The following SGK3 variants were observed in gnomAD, a reference collection of about 807,000 sequenced individuals.
SGK3 encodes the protein serum/glucocorticoid regulated kinase family member 3, also known as serine/threonine-protein kinase Sgk3.
Under a neutral mutation model 68.5 loss-of-function variants are expected in SGK3, and 47 were observed. The observed-to-expected ratio is 0.69, with a 90% CI of 0.54 to 0.87. The LOEUF (loss-of-function observed/expected upper bound fraction) is 0.87, where lower values mean the gene tolerates loss of function less well. SGK3 is among the 40% of genes least tolerant of loss of function. SGK3 has a pLI of 0.00. For missense variants in SGK3, 479 were observed against 575.5 expected (o/e 0.83, Z 1.72); for synonymous variants, 181 against 189.1 (o/e 0.96, Z 0.35).
chr8:66,789,130 A>G (rs943247237), intron 1 of SGK3, among the ~76,000 whole-genome samples: 1 of 152,310 alleles, frequency 6.6e-6, no homozygotes, highest in African/African-American at 2.4e-5. Flanking sequence ...TCAGAAAAAA[A>G]AAAAAAACAC....
At chr8:66,743,168 T>C (rs1019433954) in intron 1 of SGK3, among the ~76,000 whole-genome samples, 2 of 152,178 alleles carry the variant, frequency 1.3e-5, no homozygotes, top group African/African-American at 4.8e-5. Flanking sequence ...TAGTGACTCA[T>C]GAAGTCAATT....
At chr8:66,812,951 A>G (rs1291404698) in intron 4 of SGK3, among the ~76,000 whole-genome samples, 2 of 152,188 alleles carry the variant, frequency 1.3e-5, no homozygotes, top group Admixed American at 6.5e-5. Context: ...AACAAACAAA[A>G]CACTTCAAAA....
chr8:66,765,128 A>G (rs1806279064), intron 1 of SGK3, among the ~76,000 whole-genome samples: 1 of 152,232 alleles, frequency 6.6e-6, no homozygotes, highest in South Asian at 2.1e-4. Context: ...ACTTTTTGAG[A>G]AACCTCAAAA....
intron 10 of SGK3, among the ~76,000 whole-genome samples, chr8:66,836,972 T>A (rs1263746192): frequency 6.6e-6 from 1 of 152,144 alleles, no homozygotes; most frequent in Admixed American, 6.5e-5. Context: ...GATATTGAAA[T>A]ACACTTTGGG....
At chr8:66,717,342 C>T (rs1002255025) in intron 1 of SGK3, among the ~76,000 whole-genome samples, 2 of 151,582 alleles carry the variant, frequency 1.3e-5, no homozygotes, top group African/African-American at 2.4e-5. Flanking sequence ...CCAGCCTAGC[C>T]AACATGGAGA....
intron 1 of SGK3, among the ~76,000 whole-genome samples, chr8:66,736,373 A>G (rs1167888685): frequency 6.6e-6 from 1 of 152,198 alleles, no homozygotes; most frequent in African/African-American, 2.4e-5. Context: ...GATTTAAAGT[A>G]TACAGGAGGA....
chr8:66,788,844 G>T (rs1807317295), intron 1 of SGK3, among the ~76,000 whole-genome samples: 1 of 152,118 alleles, frequency 6.6e-6, no homozygotes, highest in South Asian at 2.1e-4. Flanking sequence ...AGGTGTCCAA[G>T]GTGCTTGCTA....
rs1345896314 is a variant in SGK3 at position 66,850,939 on chromosome 8, C to A, written c.1320+19C>A. Reference sequence around the variant, plus strand: ...TAATGTGGTAAGTATATATCCAAATCTTTCTTTCTAGAATCGTGAAACTTA... The same window carrying A: ...TAATGTGGTAAGTATATATCCAAATATTTCTTTCTAGAATCGTGAAACTTA... On this transcript the variant is annotated intron_variant, in intron 16 of 16. Coordinates refer to ENST00000521198, the MANE Select transcript of SGK3 (RefSeq NM_001033578.3). 1 of 1,586,288 alleles carries A rather than the reference C, an allele frequency of 6.3e-7. No individual in the cohort carries two copies. The highest frequency in any genetic ancestry group is 1.4e-5 in the African/African-American group (1 of 73,944).
Position 66,828,708 on chromosome 8 carries a change from G to A in SGK3, c.467+5G>A, listed in dbSNP as rs1269734886. The A allele has an allele frequency of 1.2e-6, 2 of 1,613,782 alleles. No homozygotes were observed. The highest frequency in any genetic ancestry group is 1.1e-5 in the South Asian group (1 of 91,078). On this transcript the variant is annotated splice_donor_5th_base_variant and intron_variant, in intron 7 of 16. Transcript: ENST00000521198. ...GGGACCGTCTGGAAATCCTCAGTAT[G>A]TTTAATTTGCTTCAAACAATTTTTT...
At chr8:66,762,033 CT>C (rs555306715) in intron 1 of SGK3, among the ~76,000 whole-genome samples, 4 of 151,514 alleles carry the variant, frequency 2.6e-5, no homozygotes, top group South Asian at 2.1e-4. Context: ...TTTTTAGACT[CT>C]TTTTTTTTGA....
intron 1 of SGK3, 57 bp downstream of exon 1, chr8:66,712,890 G>A (rs1238780306): frequency 6.6e-6 from 1 of 151,808 alleles, no homozygotes. Context: ...GGCGGCCCGG[G>A]GCGGGAGGAG....
At chr8:66,841,208 T>C in intron 13 of SGK3, 98 bp downstream of exon 13, 2 of 990,360 alleles carry the variant, frequency 2.0e-6, no homozygotes, top group Non-Finnish European at 2.7e-6. Flanking sequence ...AAAAGTAGAA[T>C]AAAAACTGTC....
At chr8:66,771,438 A>C (rs943326030) in intron 1 of SGK3, among the ~76,000 whole-genome samples, 1 of 152,192 alleles carries the variant, frequency 6.6e-6, no homozygotes, top group African/African-American at 2.4e-5. Flanking sequence ...TCATTTTGCA[A>C]ACTTGGTTCT....
intron 1 of SGK3, among the ~76,000 whole-genome samples, chr8:66,765,932 G>A (rs1038805546): frequency 2.0e-5 from 3 of 151,936 alleles, no homozygotes; most frequent in Admixed American, 2.0e-4. Flanking sequence ...GGCTGAGGCA[G>A]GAGAATGGCA....
chr8:66,828,223 T>A (rs2130688905), intron 6 of SGK3, among the ~76,000 whole-genome samples: 1 of 152,312 alleles, frequency 6.6e-6, no homozygotes. Flanking sequence ...AACCCAGCAT[T>A]TGCAATCATC....
intron 1 of SGK3, among the ~76,000 whole-genome samples, chr8:66,736,901 G>A (rs1805332426): frequency 6.6e-6 from 1 of 151,858 alleles, no homozygotes; most frequent in Middle Eastern, 3.2e-3. Context: ...TTACAGGCAT[G>A]AGCCACCGTG....
intron 1 of SGK3, among the ~76,000 whole-genome samples, chr8:66,746,009 C>T (rs1430796662): frequency 6.6e-6 from 1 of 152,158 alleles, no homozygotes; most frequent in East Asian, 1.9e-4. Context: ...CAAGCCATAG[C>T]AGATTTATTA....
chr8:66,816,568 T>A (rs995389839), intron 5 of SGK3, among the ~76,000 whole-genome samples: 1 of 151,974 alleles, frequency 6.6e-6, no homozygotes, highest in African/African-American at 2.4e-5. Flanking sequence ...TTGGTCTCAA[T>A]CTCCTGACTT....
chr8:66,736,072 A>G (rs945345203), intron 1 of SGK3, among the ~76,000 whole-genome samples: 1 of 152,172 alleles, frequency 6.6e-6, no homozygotes, highest in African/African-American at 2.4e-5. Context: ...ATTATATTTA[A>G]CAGTAGTTAA....
Sources: allele counts gnomAD v4.1 joint callset (sites outside exome capture counted in the v4.1 genomes callset), GRCh38; gene constraint gnomAD v4.1.1; transcripts MANE v1.5; gene names NCBI Gene and HGNC (gene_info 2026-07-23, HGNC 2026-07-21).